Variants in OPCML observed in about 807,000 individuals in gnomAD.
OPCML encodes opioid binding protein/cell adhesion molecule like.
Under a neutral mutation model 37.8 loss-of-function variants are expected in OPCML, and 13 were observed. The ratio of observed to expected loss-of-function variants is 0.34; its 90% CI spans 0.22 to 0.55. The LOEUF is 0.55. Among genes scored for constraint, OPCML ranks in the 20% least tolerant of loss-of-function variants. The pLI, the probability that OPCML is intolerant of heterozygous loss-of-function variation, is 0.91. For missense variants in OPCML, 341 were observed against 435.6 expected, an observed-to-expected ratio of 0.78 and a Z score of 1.93; for synonymous variants, 176 against 168.8, an observed-to-expected ratio of 1.04 and a Z score of -0.33.
At chr11:133,363,985 T>A (rs1329634461) in intron 1 of OPCML, among the ~76,000 whole-genome samples, 1 of 152,104 alleles carries the variant, frequency 6.6e-6, no homozygotes, top group Non-Finnish European at 1.5e-5. Context: ...AGCACATCTG[T>A]TTTCATGCAC....
At chr11:133,204,134 CTTCAAT>C (rs1055274544) in intron 1 of OPCML, among the ~76,000 whole-genome samples, 1 of 146,086 alleles carries the variant, frequency 6.8e-6, no homozygotes, top group East Asian at 2.1e-4. Context: ...TAATTGACAT[CTTCAAT>C]TAGGAAGTAT....
chr11:133,335,653 C>A (rs1322287906), intron 1 of OPCML, among the ~76,000 whole-genome samples: 1 of 152,192 alleles, frequency 6.6e-6, no homozygotes, highest in Admixed American at 6.5e-5. Context: ...ACTGGAATCG[C>A]CTCCTCCAAG....
intron 2 of OPCML, among the ~76,000 whole-genome samples, chr11:132,799,160 C>A (rs1273925409): frequency 6.6e-6 from 1 of 152,196 alleles, no homozygotes; most frequent in Non-Finnish European, 1.5e-5. Context: ...TCCTCTCTAG[C>A]TATGAAAGTC....
At chr11:133,194,814 G>A (rs530022832) in intron 1 of OPCML, among the ~76,000 whole-genome samples, 1 of 152,230 alleles carries the variant, frequency 6.6e-6, no homozygotes, top group Middle Eastern at 3.4e-3. Context: ...TTGCTCCAGG[G>A]ACACATACGT....
intron 1 of OPCML, among the ~76,000 whole-genome samples, chr11:133,375,300 G>A (rs73031388): frequency 0.077 from 11,787 of 152,168 alleles, 527 homozygotes; most frequent in Admixed American, 0.15. Flanking sequence ...CCACCTCCAC[G>A]CTGGTCTGTA....
At chr11:133,019,861 T>C (rs2136898761) in intron 1 of OPCML, among the ~76,000 whole-genome samples, 1 of 152,268 alleles carries the variant, frequency 6.6e-6, no homozygotes, top group Admixed American at 6.5e-5. Context: ...ATTGCCCTCC[T>C]ATGAAGCCCA....
At chr11:132,422,921 C>T (rs1182742163) in intron 7 of OPCML, among the ~76,000 whole-genome samples, 1 of 152,210 alleles carries the variant, frequency 6.6e-6, no homozygotes, top group Non-Finnish European at 1.5e-5. Context: ...GTGCTGCACC[C>T]TAGCTGAGTG....
At chr11:133,133,558 A>C (rs1436679481) in intron 1 of OPCML, among the ~76,000 whole-genome samples, 1 of 152,070 alleles carries the variant, frequency 6.6e-6, no homozygotes, top group African/African-American at 2.4e-5. Flanking sequence ...AGAACCCCTG[A>C]TCACCCTCGG....
chr11:132,892,532 G>T (rs1943689915), intron 2 of OPCML, among the ~76,000 whole-genome samples: 1 of 152,304 alleles, frequency 6.6e-6, no homozygotes, highest in Admixed American at 6.5e-5. Flanking sequence ...ATTTTGGGAG[G>T]CCGAGGCGGG....
At chr11:133,042,656 G>A (rs968895310) in intron 1 of OPCML, among the ~76,000 whole-genome samples, 2 of 152,126 alleles carry the variant, frequency 1.3e-5, no homozygotes, top group African/African-American at 2.4e-5. Flanking sequence ...TGTTCCTTTT[G>A]GATTTTGCCC....
At chr11:132,729,044 C>A (rs931476580) in intron 2 of OPCML, among the ~76,000 whole-genome samples, 5 of 152,106 alleles carry the variant, frequency 3.3e-5, no homozygotes, top group Admixed American at 2.0e-4. Flanking sequence ...GGAAAGTGAA[C>A]AAGTTCAATG....
At chr11:133,008,082 A>G (rs1947146153) in intron 1 of OPCML, 1 of 985,412 alleles carries the variant, frequency 1.0e-6, no homozygotes, top group African/African-American at 1.7e-5. Context: ...AAGCTCTTGG[A>G]TTCTCCAAGG....
At chr11:132,793,828 A>C (rs935722461) in intron 2 of OPCML, among the ~76,000 whole-genome samples, 1 of 151,900 alleles carries the variant, frequency 6.6e-6, no homozygotes, top group Non-Finnish European at 1.5e-5. Flanking sequence ...ACGATTTCCT[A>C]CCTAAGTGTC....
At chr11:132,870,426 G>A (rs1372401704) in intron 2 of OPCML, among the ~76,000 whole-genome samples, 2 of 151,988 alleles carry the variant, frequency 1.3e-5, no homozygotes, top group Non-Finnish European at 2.9e-5. Flanking sequence ...CAATTAGTAC[G>A]GCCATTATGG....
chr11:132,547,149 G>C (rs370845840), intron 3 of OPCML, among the ~76,000 whole-genome samples: 1 of 152,154 alleles, frequency 6.6e-6, no homozygotes, highest in Non-Finnish European at 1.5e-5. Flanking sequence ...ATACTCAGTG[G>C]GGAAGCAGGC....
chr11:132,763,681 C>G (rs1591575142), intron 2 of OPCML, among the ~76,000 whole-genome samples: 1 of 152,194 alleles, frequency 6.6e-6, no homozygotes, highest in Non-Finnish European at 1.5e-5. Flanking sequence ...AGAACGCAGA[C>G]AGACACAGTG....
intron 3 of OPCML, among the ~76,000 whole-genome samples, chr11:132,556,959 C>T (rs1169527869): frequency 6.6e-6 from 1 of 152,166 alleles, no homozygotes; most frequent in Non-Finnish European, 1.5e-5. Flanking sequence ...AGTTCTGACT[C>T]TTTCTCACAA....
intron 1 of OPCML, among the ~76,000 whole-genome samples, chr11:133,433,679 C>T (rs1307513431): frequency 2.0e-5 from 3 of 152,202 alleles, no homozygotes. Flanking sequence ...CAAGAAGCCT[C>T]TCTTGCCCCT....
At chr11:133,140,186 C>CAATAATAATAAT (rs59577218) in intron 1 of OPCML, among the ~76,000 whole-genome samples, 1,726 of 124,766 alleles carry the variant, frequency 0.014, 19 homozygotes, top group East Asian at 0.04. Flanking sequence ...GACTCCGTCT[C>CAATAATAATAAT]AATAATAATA....
Sources: gnomAD v4.1 joint callset for allele counts (sites outside exome capture counted in the v4.1 genomes callset) on GRCh38, gnomAD v4.1.1 for gene constraint, MANE v1.5 for transcripts, NCBI Gene and HGNC (gene_info 2026-07-23, HGNC 2026-07-21) for gene names.